NBPF8: variants seen among roughly 807,000 people sequenced by gnomAD.
The protein encoded by NBPF8 is NBPF member 8.
At chr1:120,431,663 G>T (rs1393381875), upstream of NBPF8, among the ~76,000 whole-genome samples, 1 of 150,516 alleles carries the variant, frequency 6.6e-6, no homozygotes, top group Non-Finnish European at 1.5e-5. Flanking sequence ...GCACTTGGAA[G>T]TCTTATACTT....
chr1:120,434,342 G>A (rs1324562786), upstream of NBPF8, among the ~76,000 whole-genome samples: 1 of 146,210 alleles, frequency 6.8e-6, no homozygotes, highest in African/African-American at 2.5e-5. Flanking sequence ...ATATATTCAT[G>A]TGTGTGTATA....
chr1:120,428,824 G>A (rs1416729701), intron 3 of NBPF8, among the ~76,000 whole-genome samples: 1 of 151,266 alleles, frequency 6.6e-6, no homozygotes, highest in East Asian at 1.9e-4. Context: ...AATTAGAAAG[G>A]CATGAAATAA....
chr1:120,450,277 A>G (rs1227085550), intron 11 of NBPF8, among the ~76,000 whole-genome samples: 1 of 152,060 alleles, frequency 6.6e-6, no homozygotes, highest in Non-Finnish European at 1.5e-5. Flanking sequence ...AGCAGAGAGT[A>G]GCTTGGTGAG....
At chr1:120,468,883 C>T (rs1455290297), downstream of NBPF8, among the ~76,000 whole-genome samples, 2 of 151,584 alleles carry the variant, frequency 1.3e-5, no homozygotes, top group Non-Finnish European at 1.5e-5. Context: ...TCGTGTGGCT[C>T]CCAGACCTGG....
At chr1:120,417,613 T>A (rs1275543489), upstream of NBPF8, among the ~76,000 whole-genome samples, 1 of 71,384 alleles carries the variant, frequency 1.4e-5, no homozygotes, top group Non-Finnish European at 2.8e-5. Flanking sequence ...ATTTCTTTTT[T>A]TTTTTCAGAC....
intron 3 of NBPF8, among the ~76,000 whole-genome samples, chr1:120,428,048 G>C (rs1378122528): frequency 6.6e-6 from 1 of 152,140 alleles, no homozygotes; most frequent in Non-Finnish European, 1.5e-5. Flanking sequence ...ATTCTTTATT[G>C]CATTAGGCTT....
chr1:120,446,238 G>A (rs1485716294), intron 8 of NBPF8, among the ~76,000 whole-genome samples: 6 of 135,426 alleles, frequency 4.4e-5, no homozygotes, highest in Non-Finnish European at 6.4e-5. Context: ...TATTGCAAGT[G>A]TCCCTCCTTC....
chr1:120,469,667 C>CTT (rs1314345252), downstream of NBPF8, among the ~76,000 whole-genome samples: 3 of 151,096 alleles, frequency 2.0e-5, no homozygotes, highest in Non-Finnish European at 4.4e-5. Flanking sequence ...ATAAAGAACA[C>CTT]TTTACCTAAC....
chr1:120,464,195 T>C (rs1229318078), intron 22 of NBPF8, among the ~76,000 whole-genome samples, 181 bp from the exon 21 acceptor site: 2 of 125,252 alleles, frequency 1.6e-5, no homozygotes, highest in African/African-American at 7.2e-5. Context: ...GTCTTTCTCT[T>C]TCATTCTTTT....
intron 17 of NBPF8, 120 bp from the exon 16 acceptor site, chr1:120,460,453 A>T (rs1449767758): frequency 2.6e-6 from 2 of 782,752 alleles, no homozygotes; most frequent in East Asian, 4.8e-5. Flanking sequence ...TTTCTCTCAA[A>T]GTCTCCTGTT....
chr1:120,442,947 G>A, exon 6 of NBPF8: 1 of 205,572 alleles, frequency 4.9e-6, no homozygotes, highest in South Asian at 3.3e-5. Context: ...ATGAGAAATT[G>A]CACCCCCAGC....
chr1:120,450,043 A>G (rs1471451228), intron 11 of NBPF8, among the ~76,000 whole-genome samples: 3 of 152,066 alleles, frequency 2.0e-5, no homozygotes, highest in Non-Finnish European at 4.4e-5. Context: ...CCTGGGCAAC[A>G]TGGAGAAACC....
At position 120,421,085 on chromosome 1, in the gene NBPF8, G is replaced by A. The variant is rs1344790217; in HGVS notation, n.269+967G>A. On this transcript the variant is annotated intron_variant and non_coding_transcript_variant, in intron 1 of 28. Coordinates refer to the NBPF8 transcript ENST00000652355. ...GGAGCAGCAGGGAAGGTTGCGGCCT[G>A]GTGTTCTGGGATCCACTGTCTCATC... 1.9e-3 allele frequency among the ~76,000 whole-genome samples: 289 copies of A among 150,774 alleles called. 4 individuals carry two copies. Among genetic ancestry groups the A allele is most frequent in the African/African-American group, 6.7e-3 (275 of 40,774 alleles).
At chr1:120,415,396 G>T (rs1358321198), upstream of NBPF8, among the ~76,000 whole-genome samples, 8 of 150,408 alleles carry the variant, frequency 5.3e-5, no homozygotes, top group East Asian at 7.9e-4. Flanking sequence ...GGGGTGGGGG[G>T]TTGGGAGGGC....
chr1:120,421,602 C>G (rs1660580175), intron 1 of NBPF8, among the ~76,000 whole-genome samples: 1 of 148,054 alleles, frequency 6.8e-6, no homozygotes, highest in Admixed American at 6.8e-5. Context: ...CTCTCATGCT[C>G]TCTCTTTTTC....
intron 1 of NBPF8, among the ~76,000 whole-genome samples, chr1:120,423,320 T>C (rs1358175129): frequency 9.3e-6 from 1 of 107,926 alleles, no homozygotes; most frequent in Non-Finnish European, 1.9e-5. Context: ...CCTGGATTTA[T>C]TTATTTTTTT....
chr1:120,450,697 T>G (rs1176820553), intron 11 of NBPF8, among the ~76,000 whole-genome samples: 7 of 128,856 alleles, frequency 5.4e-5, no homozygotes, highest in African/African-American at 1.9e-4. Context: ...AAATCATAAC[T>G]GAAGATATGA....
chr1:120,416,316 G>A (rs1421220002), upstream of NBPF8, among the ~76,000 whole-genome samples: 1 of 129,266 alleles, frequency 7.7e-6, no homozygotes, highest in African/African-American at 3.0e-5. Context: ...TTTTAAATGT[G>A]CAGGTGGTCC....
upstream of NBPF8, among the ~76,000 whole-genome samples, chr1:120,418,801 G>C (rs1660494835): frequency 6.7e-6 from 1 of 149,436 alleles, no homozygotes. Flanking sequence ...TCCCACCTTG[G>C]CATCTCAAAG....
Sources: gnomAD v4.1 joint callset for allele counts (sites outside exome capture counted in the v4.1 genomes callset) on GRCh38, gnomAD v4.1.1 for gene constraint, MANE v1.5 for transcripts, NCBI Gene and HGNC (gene_info 2026-07-23, HGNC 2026-07-21) for gene names.